Variants in EIF2B3 observed in about 807,000 individuals in gnomAD.
EIF2B3 encodes translation initiation factor eIF2B subunit gamma.
A neutral mutation model predicts 54.1 loss-of-function variants in EIF2B3; 20 were observed. That is an observed-to-expected ratio of 0.37 (90% CI 0.26 to 0.54). The LOEUF (loss-of-function observed/expected upper bound fraction) is 0.54. Among genes scored for constraint, EIF2B3 ranks in the 20% least tolerant of loss-of-function variants. The pLI is 0.86. For missense variants in EIF2B3, 448 were observed against 547.8 expected, an observed-to-expected ratio of 0.82 and a Z score of 1.82; for synonymous variants, 153 against 188.1, an observed-to-expected ratio of 0.81 and a Z score of 1.52.
chr1:44,969,173 A>G (rs1047427639), intron 3 of EIF2B3, among the ~76,000 whole-genome samples: 1 of 152,196 alleles, frequency 6.6e-6, no homozygotes, highest in Admixed American at 6.5e-5. Flanking sequence ...AGAACACACC[A>G]CTGCCTTGCC....
chr1:44,862,059 C>A (rs546607020), intron 10 of EIF2B3, among the ~76,000 whole-genome samples: 1 of 152,296 alleles, frequency 6.6e-6, no homozygotes, highest in African/African-American at 2.4e-5. Context: ...CAAACAAACC[C>A]TCTCTAGGTT....
chr1:44,894,234 G>A (rs1000061529), intron 6 of EIF2B3, among the ~76,000 whole-genome samples: 2 of 152,200 alleles, frequency 1.3e-5, no homozygotes, highest in African/African-American at 4.8e-5. Flanking sequence ...GAATTAAAAT[G>A]TTCAAGAGAT....
At chr1:44,985,854 T>C (rs1569905361) in intron 1 of EIF2B3, among the ~76,000 whole-genome samples, 1 of 152,330 alleles carries the variant, frequency 6.6e-6, no homozygotes, top group East Asian at 1.9e-4. Flanking sequence ...GCCTGCATCA[T>C]AGCACTCATG....
Position 44,976,068 on chromosome 1 carries a change from A to G in EIF2B3, c.294+2247T>C, listed in dbSNP as rs2148963063. Among the ~76,000 whole-genome samples the G allele has an allele frequency of 1.3e-5, 2 of 152,318 alleles. 1 individual carries two copies. Among genetic ancestry groups the G allele is most frequent in the South Asian group, 4.1e-4 (2 of 4,830 alleles). Reference sequence around the variant, plus strand: ...AAGGTCAGATGGGCAGAGATTTCTTAGGCCGGACACAAAAAGCAATAACCA... The same window carrying G: ...AAGGTCAGATGGGCAGAGATTTCTTGGGCCGGACACAAAAAGCAATAACCA... On this transcript the variant is annotated intron_variant, in intron 3 of 11. Transcript: ENST00000360403.
intron 6 of EIF2B3, among the ~76,000 whole-genome samples, chr1:44,886,088 GA>G (rs1230289949): frequency 1.3e-5 from 2 of 150,072 alleles, no homozygotes; most frequent in Admixed American, 1.3e-4. Flanking sequence ...AACACTCAAT[GA>G]AAAAAGCAAA....
At chr1:44,908,464 A>G (rs187204593) in intron 5 of EIF2B3, among the ~76,000 whole-genome samples, 42 of 152,344 alleles carry the variant, frequency 2.8e-4, no homozygotes, top group African/African-American at 9.6e-4. Flanking sequence ...GAGAAGAGTA[A>G]CTTTGGCTGA....
intron 5 of EIF2B3, among the ~76,000 whole-genome samples, chr1:44,906,274 A>G (rs1643409111): frequency 6.6e-6 from 1 of 152,120 alleles, no homozygotes; most frequent in Non-Finnish European, 1.5e-5. Context: ...CCAAGTACAC[A>G]AGCAATATTC....
intron 8 of EIF2B3, among the ~76,000 whole-genome samples, chr1:44,876,054 G>A (rs1345596930): frequency 3.3e-5 from 5 of 152,366 alleles, no homozygotes; most frequent in Admixed American, 1.3e-4. Context: ...CCGAGGTGCC[G>A]GGATTGCAGA....
chr1:44,932,116 A>AACACAAAC (rs1380156664), intron 4 of EIF2B3, among the ~76,000 whole-genome samples: 1 of 148,428 alleles, frequency 6.7e-6, no homozygotes, highest in African/African-American at 2.5e-5. Flanking sequence ...TCTCAAAACG[A>AACACAAAC]ACACACACAC....
intron 6 of EIF2B3, among the ~76,000 whole-genome samples, chr1:44,888,490 T>A (rs905519918): frequency 1.3e-5 from 2 of 151,842 alleles, no homozygotes; most frequent in Non-Finnish European, 2.9e-5. Flanking sequence ...TCTCTCTCTC[T>A]CTCTCTCTCT....
chr1:44,957,051 T>C (rs961171474), intron 3 of EIF2B3, among the ~76,000 whole-genome samples: 3 of 152,142 alleles, frequency 2.0e-5, no homozygotes, highest in Admixed American at 2.0e-4. Flanking sequence ...TTACTTGAAC[T>C]CATGAGTTCG....
intron 6 of EIF2B3, among the ~76,000 whole-genome samples, chr1:44,896,232 T>C (rs1655965811): frequency 6.6e-6 from 1 of 151,372 alleles, no homozygotes; most frequent in Non-Finnish European, 1.5e-5. Flanking sequence ...TTTTCAGAGG[T>C]CAGAAGGGAG....
chr1:44,941,003 C>A (rs1644014866), intron 4 of EIF2B3, among the ~76,000 whole-genome samples: 1 of 151,528 alleles, frequency 6.6e-6, no homozygotes, highest in Non-Finnish European at 1.5e-5. Context: ...TCTCCTCCCT[C>A]AGCCTCCTGA....
At chr1:44,894,893 C>T (rs1172605036) in intron 6 of EIF2B3, among the ~76,000 whole-genome samples, 1 of 152,150 alleles carries the variant, frequency 6.6e-6, no homozygotes, top group Non-Finnish European at 1.5e-5. Context: ...GCTCAGCTTT[C>T]AAGACCTTCT....
intron 10 of EIF2B3, among the ~76,000 whole-genome samples, chr1:44,866,476 C>T (rs1025028141): frequency 2.6e-5 from 4 of 151,590 alleles, no homozygotes; most frequent in African/African-American, 9.7e-5. Context: ...CAGTAAGTGC[C>T]ACAGTACCAT....
At chr1:44,919,624 C>G (rs1308311423) in intron 5 of EIF2B3, among the ~76,000 whole-genome samples, 1 of 151,484 alleles carries the variant, frequency 6.6e-6, no homozygotes, top group Non-Finnish European at 1.5e-5. Context: ...CCAGTGTGGT[C>G]TGGTTGCCAT....
At chr1:44,875,749 CCCTCTCCCTCTCCCTCTACCT>C in intron 8 of EIF2B3, 54 bp from the exon 9 acceptor site, 1 of 1,304,126 alleles carries the variant, frequency 7.7e-7, no homozygotes, top group Non-Finnish European at 1.1e-6. Context: ...AGGTAGCTCT[CCCTCTCCCTCTCCCTCTACCT>C]CTCCCACTCC....
chr1:44,935,276 CT>C (rs1432387166), intron 4 of EIF2B3, among the ~76,000 whole-genome samples: 2 of 152,074 alleles, frequency 1.3e-5, no homozygotes, highest in Non-Finnish European at 2.9e-5. Context: ...AAAAAGCCCC[CT>C]AATAAACATA....
rs367853080 is a variant in EIF2B3 at position 44,858,754 on chromosome 1, C to T, written c.1203-947G>A. On this transcript the variant is annotated intron_variant, in intron 10 of 11. Coordinates refer to ENST00000360403, the MANE Select transcript of EIF2B3 (RefSeq NM_020365.5). Reference sequence around the variant, plus strand: ...TGCTGGGACTACAGGAGTGAGCCACCGCACCTGGCCTAAACAATTTTTTCA... The same window carrying T: ...TGCTGGGACTACAGGAGTGAGCCACTGCACCTGGCCTAAACAATTTTTTCA... Among the ~76,000 whole-genome samples, 68 of 152,108 alleles carry T rather than the reference C, an allele frequency of 4.5e-4. 1 individual carries two copies. The highest frequency in any genetic ancestry group is 3.9e-3 in the East Asian group (20 of 5,160).
Sources: allele counts gnomAD v4.1 joint callset (sites outside exome capture counted in the v4.1 genomes callset), GRCh38; gene constraint gnomAD v4.1.1; transcripts MANE v1.5; gene names NCBI Gene and HGNC (gene_info 2026-07-23, HGNC 2026-07-21).